The following PAG1 variants were observed in gnomAD, a reference collection of about 807,000 sequenced individuals.
The protein encoded by PAG1 is phosphoprotein associated with glycosphingolipid-enriched microdomains 1.
Under a neutral mutation model 31.7 loss-of-function variants are expected in PAG1, and 23 were observed. That is an observed-to-expected ratio of 0.73 (90% CI 0.52 to 1.03). PAG1 has a LOEUF of 1.03. Ranked by LOEUF, PAG1 falls within the 50% of genes least tolerant of loss-of-function variation. PAG1 has a pLI of 0.00. For missense variants in PAG1, 473 were observed against 540.7 expected (o/e 0.87, Z 1.24); for synonymous variants, 214 against 210.3 (o/e 1.02, Z -0.15).
At position 80,974,162 on chromosome 8, in the gene PAG1, T is replaced by G. The variant is rs917635021; in HGVS notation, c.*2382A>C. The stretch of plus-strand genomic sequence containing the variant: ...AGCTTTCTATAAAAAGTTTTTTTTT[T>G]TTTTTTTTTTTTACTTTAGAGATCA... On this transcript the variant is annotated 3_prime_UTR_variant, in exon 9 of 9. Transcript: ENST00000220597. The G allele has an allele frequency of 4.6e-5, 7 of 150,902 alleles. No individual in the cohort carries two copies. The highest frequency in any genetic ancestry group is 4.0e-4 in the Admixed American group (6 of 15,168). 9.3% of individuals were successfully genotyped at this position (150,902 alleles called of 1,614,324 possible). A position where few individuals can be genotyped will look rare whatever the true frequency, so the allele number is the denominator to read the frequency against.
At chr8:81,050,999 T>A (rs186720395) in intron 2 of PAG1, among the ~76,000 whole-genome samples, 1 of 152,258 alleles carries the variant, frequency 6.6e-6, no homozygotes, top group African/African-American at 2.4e-5. Flanking sequence ...ATGGTGACTT[T>A]ACGTTTGTCT....
At chr8:81,089,395 C>T (rs551448466) in intron 1 of PAG1, among the ~76,000 whole-genome samples, 1 of 151,992 alleles carries the variant, frequency 6.6e-6, no homozygotes, top group Non-Finnish European at 1.5e-5. Flanking sequence ...AGTGAAACCC[C>T]GTCTCTACTA....
At chr8:81,045,010 G>A (rs1428510260) in intron 2 of PAG1, among the ~76,000 whole-genome samples, 1 of 152,038 alleles carries the variant, frequency 6.6e-6, no homozygotes, top group African/African-American at 2.4e-5. Context: ...GCTTGTTTAT[G>A]CATACCTATC....
chr8:81,062,438 G>T (rs1808933236), intron 2 of PAG1, among the ~76,000 whole-genome samples: 1 of 152,104 alleles, frequency 6.6e-6, no homozygotes, highest in Admixed American at 6.5e-5. Flanking sequence ...CATGCCTTTG[G>T]GCTATGGGGC....
chr8:81,083,291 T>C (rs1054322653), intron 1 of PAG1, among the ~76,000 whole-genome samples: 1 of 152,102 alleles, frequency 6.6e-6, no homozygotes, highest in Non-Finnish European at 1.5e-5. Context: ...ACCACCCCAG[T>C]TGGAGAGGAA....
In PAG1 at chr8:80,972,917, G is replaced by A. The variant is rs898917482; in HGVS notation, c.*3627C>T. 2.0e-5 allele frequency: 3 copies of A among 149,372 alleles called. No individual in the cohort carries two copies. The highest frequency in any genetic ancestry group is 4.2e-4 in the South Asian group (2 of 4,714). The allele number at this position is 149,372 out of a possible 1,614,324, so 9.3% of individuals were successfully genotyped here. ...AGCACCAGAGTTGTGTCAGAGCCAA[G>A]TATATACACACACACACGTATACGT... On this transcript the variant is annotated 3_prime_UTR_variant, in exon 9 of 9. Coordinates refer to ENST00000220597, the MANE Select transcript of PAG1 (RefSeq NM_018440.4).
intron 3 of PAG1, among the ~76,000 whole-genome samples, chr8:81,012,717 T>A (rs1808005874): frequency 6.6e-6 from 1 of 152,156 alleles, no homozygotes; most frequent in Admixed American, 6.5e-5. Context: ...TTTGAATATA[T>A]TATATATACA....
chr8:81,034,031 CTT>C (rs1315080299), intron 2 of PAG1, among the ~76,000 whole-genome samples: 1 of 152,210 alleles, frequency 6.6e-6, no homozygotes, highest in African/African-American at 2.4e-5. Flanking sequence ...TCATGTCTGA[CTT>C]TTAAAAACTG....
intron 3 of PAG1, among the ~76,000 whole-genome samples, chr8:81,003,102 C>T (rs546995734): frequency 6.6e-6 from 1 of 152,300 alleles, no homozygotes; most frequent in East Asian, 1.9e-4. Flanking sequence ...AACCTTCCCC[C>T]AGACTTATGA....
At chr8:81,083,162 A>AG (rs1480289424) in intron 1 of PAG1, among the ~76,000 whole-genome samples, 1 of 152,050 alleles carries the variant, frequency 6.6e-6, no homozygotes, top group Non-Finnish European at 1.5e-5. Flanking sequence ...CTGATACCTG[A>AG]GGGGGATGCA....
At chr8:81,028,038 C>T (rs1039125560) in intron 3 of PAG1, among the ~76,000 whole-genome samples, 1 of 152,140 alleles carries the variant, frequency 6.6e-6, no homozygotes, top group African/African-American at 2.4e-5. Flanking sequence ...CTCTCCCACT[C>T]TCTAGCTCAC....
At chr8:81,091,466 A>C (rs780362780) in intron 1 of PAG1, among the ~76,000 whole-genome samples, 1 of 152,186 alleles carries the variant, frequency 6.6e-6, no homozygotes, top group Non-Finnish European at 1.5e-5. Flanking sequence ...ATGTACTTAC[A>C]CAAACCTAGA....
In PAG1 at chr8:81,070,159, A is replaced by G. The variant is rs1315863966; in HGVS notation, c.-222T>C. ...GGCCAACTGCTGAAATAGGAGAAAA[A>G]TCTCGTGTTTTCTGGAAAAGAAACA... On this transcript the variant is annotated 5_prime_UTR_variant, in exon 2 of 9. Coordinates refer to ENST00000220597, the MANE Select transcript of PAG1 (RefSeq NM_018440.4). 6.6e-6 allele frequency: 1 copy of G among 152,216 alleles called. No homozygotes were observed. The highest frequency in any genetic ancestry group is 1.5e-5 in the Non-Finnish European group (1 of 68,034). The allele number at this position is 152,216 out of a possible 1,614,324, so 9.4% of individuals were successfully genotyped here.
intron 1 of PAG1, among the ~76,000 whole-genome samples, chr8:81,095,239 A>G (rs959494498): frequency 6.6e-6 from 1 of 152,190 alleles, no homozygotes; most frequent in Non-Finnish European, 1.5e-5. Flanking sequence ...ACAGAGGACA[A>G]AAGAGGAGCC....
At chr8:80,980,617 G>T (rs578048854) in intron 7 of PAG1, 123 bp from the exon 8 acceptor site, 2 of 642,378 alleles carry the variant, frequency 3.1e-6, no homozygotes, top group Non-Finnish European at 5.6e-6. Flanking sequence ...GAACCACGAA[G>T]AAATTATGGG....
intron 3 of PAG1, among the ~76,000 whole-genome samples, chr8:81,016,159 AACCT>A (rs1808068871): frequency 1.3e-5 from 2 of 152,360 alleles, no homozygotes; most frequent in East Asian, 3.9e-4. Context: ...AAGAACCTCC[AACCT>A]AAGATGGCCC....
At chr8:81,075,735 T>C (rs1563421301) in intron 1 of PAG1, among the ~76,000 whole-genome samples, 1 of 152,190 alleles carries the variant, frequency 6.6e-6, no homozygotes, top group East Asian at 1.9e-4. Context: ...CAGCAGCTCC[T>C]CACGCACACA....
At chr8:80,992,319 T>C (rs1807567872) in intron 4 of PAG1, among the ~76,000 whole-genome samples, 1 of 152,184 alleles carries the variant, frequency 6.6e-6, no homozygotes, top group Non-Finnish European at 1.5e-5. Context: ...GATTTTAGGG[T>C]AGGAAGCTAT....
At chr8:81,065,632 T>A (rs760669171) in intron 2 of PAG1, among the ~76,000 whole-genome samples, 3 of 152,026 alleles carry the variant, frequency 2.0e-5, no homozygotes, top group Non-Finnish European at 4.4e-5. Context: ...TTCCAAATGG[T>A]GCCATTCTAC....
Sources: allele counts gnomAD v4.1 joint callset (sites outside exome capture counted in the v4.1 genomes callset), GRCh38; gene constraint gnomAD v4.1.1; transcripts MANE v1.5; gene names NCBI Gene and HGNC (gene_info 2026-07-23, HGNC 2026-07-21).